The following UGT1A8 variants were observed in gnomAD, a reference collection of about 807,000 sequenced individuals.
The protein encoded by UGT1A8 is UDP glucuronosyltransferase family 1 member A8.
A neutral mutation model predicts 45.3 loss-of-function variants in UGT1A8; 39 were observed. The ratio of observed to expected loss-of-function variants is 0.86; its 90% CI spans 0.67 to 1.12. The LOEUF (loss-of-function observed/expected upper bound fraction) is 1.12, where lower values mean the gene tolerates loss of function less well. Ranked by LOEUF, UGT1A8 falls within the 50% of genes most tolerant of loss-of-function variation. UGT1A8 has a pLI of 0.00. For missense variants in UGT1A8, 719 were observed against 664.9 expected (o/e 1.08, Z -0.90); for synonymous variants, 275 against 249.2 (o/e 1.10, Z -0.97).
At chr2:233,717,873 G>A (rs1268919584) in intron 1 of UGT1A8, 4 of 454,746 alleles carry the variant, frequency 8.8e-6, no homozygotes, top group African/African-American at 2.0e-5. Flanking sequence ...TTGACTTGGA[G>A]AAAAGCCTGG....
At chr2:233,639,386 G>C (rs1322239823) in intron 1 of UGT1A8, among the ~76,000 whole-genome samples, 1 of 152,142 alleles carries the variant, frequency 6.6e-6, no homozygotes, top group Non-Finnish European at 1.5e-5. Context: ...AAAGAGCCTT[G>C]GATATGGCCC....
At chr2:233,672,432 G>A (rs755127792) in intron 1 of UGT1A8, 68 of 1,613,756 alleles carry the variant, frequency 4.2e-5, no homozygotes, top group Non-Finnish European at 5.4e-5. Flanking sequence ...TCCCCTCCGT[G>A]GTCTTCGCCA....
chr2:233,754,686 T>C, intron 1 of UGT1A8: 1 of 484,820 alleles, frequency 2.1e-6, no homozygotes, highest in Non-Finnish European at 4.0e-6. Flanking sequence ...ATCAACTATT[T>C]CAGTGGAAGT....
At chr2:233,681,193 A>G (rs2074513276) in intron 1 of UGT1A8, among the ~76,000 whole-genome samples, 1 of 152,006 alleles carries the variant, frequency 6.6e-6, no homozygotes, top group South Asian at 2.1e-4. Context: ...TTTCCGTCGA[A>G]CATGAGATGC....
chr2:233,765,354 C>T (rs147489068), intron 1 of UGT1A8, among the ~76,000 whole-genome samples: 102 of 152,262 alleles, frequency 6.7e-4, no homozygotes, highest in African/African-American at 2.3e-3. Context: ...ATGGAACCAA[C>T]CCAGATGCCC....
intron 1 of UGT1A8, among the ~76,000 whole-genome samples, chr2:233,744,598 C>G (rs1055879945): frequency 2.0e-5 from 3 of 151,878 alleles, no homozygotes; most frequent in East Asian, 3.8e-4. Context: ...TTGCATCTCT[C>G]TTTAGTACTT....
Position 233,772,728 on chromosome 2 carries a change from C to T in UGT1A8, c.*169C>T, listed in dbSNP as rs1029569602. 2.4e-5 allele frequency: 35 copies of T among 1,446,106 alleles called. No homozygotes were observed. The highest frequency in any genetic ancestry group is 8.7e-5 in the South Asian group (6 of 68,994). The allele number at this position is 1,446,106 out of a possible 1,614,324, so 89.6% of individuals were successfully genotyped here. A position where few individuals can be genotyped will look rare whatever the true frequency, so the allele number is the denominator to read the frequency against. ...TTCTCTTAAATAAAAATAATAGACT[C>T]GCTAGTCAGTAAAGATATTTGAATA... On this transcript the variant is annotated 3_prime_UTR_variant, in exon 5 of 5. Coordinates refer to ENST00000373450, the MANE Select transcript of UGT1A8 (RefSeq NM_019076.5).
At chr2:233,646,977 A>G (rs2073622658) in intron 1 of UGT1A8, among the ~76,000 whole-genome samples, 1 of 152,240 alleles carries the variant, frequency 6.6e-6, no homozygotes, top group Non-Finnish European at 1.5e-5. Context: ...ACAGAGGTTT[A>G]ATTGACTTAG....
intron 1 of UGT1A8, among the ~76,000 whole-genome samples, chr2:233,671,445 TAGG>T (rs2074188356): frequency 6.6e-6 from 1 of 152,088 alleles, no homozygotes; most frequent in African/African-American, 2.4e-5. Context: ...AGCCCCAATT[TAGG>T]AGGTTAGGAG....
chr2:233,633,664 A>T lies in UGT1A8; in HGVS notation c.855+15102A>T, dbSNP rs569299079. Among the ~76,000 whole-genome samples the T allele has an allele frequency of 2.0e-5, 3 of 152,010 alleles. No homozygotes were observed. The South Asian group carries it at 6.3e-4, about 32-fold the overall frequency. On this transcript the variant is annotated intron_variant, in intron 1 of 4. Coordinates refer to ENST00000373450, the MANE Select transcript of UGT1A8 (RefSeq NM_019076.5). ...TGGGCTCAGTGGTTATCTCCCCTTT[A>T]TCATTTTTTATTGTGTCTATTGATT...
chr2:233,642,875 T>A (rs2073489519), intron 1 of UGT1A8, among the ~76,000 whole-genome samples: 1 of 152,116 alleles, frequency 6.6e-6, no homozygotes, highest in Non-Finnish European at 1.5e-5. Flanking sequence ...ACAGAGTCTC[T>A]CTCTCTCTCT....
At chr2:233,637,140 A>G in intron 1 of UGT1A8, 2 of 1,613,960 alleles carry the variant, frequency 1.2e-6, no homozygotes, top group Non-Finnish European at 1.7e-6. Context: ...TCAAGGAGAG[A>G]GTATGGAACC....
intron 1 of UGT1A8, among the ~76,000 whole-genome samples, chr2:233,680,979 AG>A (rs2074504843): frequency 6.6e-6 from 1 of 152,056 alleles, no homozygotes; most frequent in Non-Finnish European, 1.5e-5. Flanking sequence ...CCATGGAGGC[AG>A]GGTTGTCAAT....
intron 1 of UGT1A8, among the ~76,000 whole-genome samples, chr2:233,732,619 T>A (rs2078290035): frequency 6.6e-6 from 1 of 152,210 alleles, no homozygotes; most frequent in African/African-American, 2.4e-5. Flanking sequence ...TGGTTGTAGA[T>A]GTGTGGTGTT....
At chr2:233,664,625 G>T (rs2074037509) in intron 1 of UGT1A8, among the ~76,000 whole-genome samples, 1 of 152,132 alleles carries the variant, frequency 6.6e-6, no homozygotes, top group African/African-American at 2.4e-5. Context: ...GTTGGTGGGG[G>T]AGGTCCACAC....
At chr2:233,653,445 G>T (rs2073786084) in intron 1 of UGT1A8, among the ~76,000 whole-genome samples, 1 of 152,104 alleles carries the variant, frequency 6.6e-6, no homozygotes. Context: ...TTATTACTGT[G>T]GTTGGTAATC....
At chr2:233,700,761 G>A (rs1358984875) in intron 1 of UGT1A8, among the ~76,000 whole-genome samples, 1 of 151,532 alleles carries the variant, frequency 6.6e-6, no homozygotes, top group East Asian at 1.9e-4. Context: ...TAGGGTACAT[G>A]TGCACAACGT....
At chr2:233,725,539 A>G (rs980471563) in intron 1 of UGT1A8, among the ~76,000 whole-genome samples, 6 of 152,146 alleles carry the variant, frequency 3.9e-5, no homozygotes, top group African/African-American at 1.4e-4. Context: ...CAGACATATC[A>G]CAAATATTAT....
intron 1 of UGT1A8, among the ~76,000 whole-genome samples, chr2:233,748,894 A>G (rs1694057054): frequency 6.6e-6 from 1 of 151,670 alleles, no homozygotes; most frequent in Non-Finnish European, 1.5e-5. Context: ...CATGTGTCCA[A>G]GAAGGGAAGT....
Sources: allele counts gnomAD v4.1 joint callset (sites outside exome capture counted in the v4.1 genomes callset), GRCh38; gene constraint gnomAD v4.1.1; transcripts MANE v1.5; gene names NCBI Gene and HGNC (gene_info 2026-07-23, HGNC 2026-07-21).